Variants in CCDC85A observed in about 807,000 individuals in gnomAD.
CCDC85A encodes coiled-coil domain-containing protein 85A.
CCDC85A carries 38 observed loss-of-function variants against 50.2 expected under a neutral mutation model. That is an observed-to-expected ratio of 0.76 (90% confidence interval 0.58 to 0.99). The LOEUF (loss-of-function observed/expected upper bound fraction) is 0.99. Ranked by LOEUF, CCDC85A falls within the 50% of genes least tolerant of loss-of-function variation. The probability of loss-of-function intolerance (pLI) is 0.00; values close to 1 mark genes in which losing one functional copy is unlikely to be tolerated. For synonymous variants in CCDC85A, 366 were observed against 301.4 expected (o/e 1.21, Z -2.22); for missense variants, 820 against 742.0 (o/e 1.11, Z -1.22).
chr2:56,240,616 TATC>T (rs1669216570), intron 2 of CCDC85A, among the ~76,000 whole-genome samples: 1 of 152,154 alleles, frequency 6.6e-6, no homozygotes, highest in Non-Finnish European at 1.5e-5. Flanking sequence ...ATTCTGGACA[TATC>T]ATACAAATGG....
In CCDC85A at chr2:56,314,232, A is replaced by AACCTGTGG. The variant is rs1467549417; in HGVS notation, c.1241-28646_1241-28639dup. ...AAGGCATAGCTGCCGAGCAGAATTGAACCTGTGGTCAGAGCTGGGGTCAGA... is the reference window on the plus strand; with the variant it reads ...AAGGCATAGCTGCCGAGCAGAATTGAACCTGTGGACCTGTGGTCAGAGCTGGGGTCAGA... On this transcript the variant is annotated intron_variant, in intron 2 of 5. Coordinates refer to ENST00000407595, the MANE Select transcript of CCDC85A (RefSeq NM_001080433.2). Among the ~76,000 whole-genome samples, 6 of 151,580 alleles carry AACCTGTGG rather than the reference A, an allele frequency of 4.0e-5. No individual in the cohort carries two copies. In the East Asian group the frequency reaches 1.2e-3, roughly 30 times the overall value.
At chr2:56,318,308 A>C (rs895844751) in intron 2 of CCDC85A, among the ~76,000 whole-genome samples, 21 of 151,948 alleles carry the variant, frequency 1.4e-4, no homozygotes, top group Admixed American at 3.9e-4. Context: ...GCTGTTTTTC[A>C]GTTCCTTCAT....
chr2:56,318,644 T>C (rs1029643921), intron 2 of CCDC85A, among the ~76,000 whole-genome samples: 1 of 152,156 alleles, frequency 6.6e-6, no homozygotes, highest in Non-Finnish European at 1.5e-5. Context: ...TTTAAATGTT[T>C]ATTAACAGCT....
At chr2:56,185,066 A>G (rs1675949739) in intron 1 of CCDC85A, among the ~76,000 whole-genome samples, 166 bp downstream of exon 1, 1 of 151,706 alleles carries the variant, frequency 6.6e-6, no homozygotes. Flanking sequence ...AACTTTTCCA[A>G]ACTTCGGAGG....
Position 56,288,057 on chromosome 2 carries a change from A to C in CCDC85A, c.1241-54822A>C, listed in dbSNP as rs75520403. Reference sequence around the variant, plus strand: ...CTTTACAGAGCCTGGCGTCAGCTTCACCCCTGAACCCATATCTTGGGATGA... The same window carrying C: ...CTTTACAGAGCCTGGCGTCAGCTTCCCCCCTGAACCCATATCTTGGGATGA... On this transcript the variant is annotated intron_variant, in intron 2 of 5. Coordinates refer to ENST00000407595, the MANE Select transcript of CCDC85A (RefSeq NM_001080433.2). Among the ~76,000 whole-genome samples the C allele has an allele frequency of 1.2e-4, 18 of 152,076 alleles. 1 individual carries two copies. In the East Asian group the frequency reaches 3.5e-3, roughly 30 times the overall value.
At chr2:56,349,835 C>G (rs1380020161) in intron 3 of CCDC85A, among the ~76,000 whole-genome samples, 1 of 151,838 alleles carries the variant, frequency 6.6e-6, no homozygotes, top group African/African-American at 2.4e-5. Context: ...AAGGTACATT[C>G]AAAACTTTTT....
At chr2:56,261,625 C>G (rs1246956956) in intron 2 of CCDC85A, among the ~76,000 whole-genome samples, 1 of 152,180 alleles carries the variant, frequency 6.6e-6, no homozygotes. Flanking sequence ...ATGTCATGGT[C>G]CCTGTCCTCA....
rs1310358120 is a variant in CCDC85A, at chr2:56,361,044, G to C, written c.1318-11300G>C. ...CAAGGCGGGCAGATCACAAGGTCAG[G>C]AGATCGAGACCATCCTGGCTAACAT... On this transcript the variant is annotated intron_variant, in intron 3 of 5. Transcript: ENST00000407595. Among the ~76,000 whole-genome samples the C allele has an allele frequency of 3.3e-5, 5 of 152,152 alleles. No homozygotes were observed. The East Asian group carries it at 9.7e-4, about 29-fold the overall frequency.
intron 2 of CCDC85A, among the ~76,000 whole-genome samples, chr2:56,211,517 C>G (rs1201627731): frequency 1.3e-5 from 2 of 151,738 alleles, no homozygotes; most frequent in East Asian, 3.9e-4. Context: ...TTTAGTAGTG[C>G]TATACTACTA....
At chr2:56,194,634 G>A (rs1446423780) in intron 2 of CCDC85A, among the ~76,000 whole-genome samples, 2 of 152,118 alleles carry the variant, frequency 1.3e-5, no homozygotes, top group Non-Finnish European at 2.9e-5. Flanking sequence ...TTTTCTCATA[G>A]TGCTGAAAAT....
At chr2:56,252,568 G>C (rs1669810735) in intron 2 of CCDC85A, among the ~76,000 whole-genome samples, 1 of 152,060 alleles carries the variant, frequency 6.6e-6, no homozygotes, top group Non-Finnish European at 1.5e-5. Flanking sequence ...TATACTTTAA[G>C]TTCTGGGATA....
At chr2:56,256,317 A>G (rs562296408) in intron 2 of CCDC85A, among the ~76,000 whole-genome samples, 1 of 152,330 alleles carries the variant, frequency 6.6e-6, no homozygotes, top group Non-Finnish European at 1.5e-5. Context: ...AGCAGAGTCA[A>G]GGCACCTTTT....
At chr2:56,199,813 C>T (rs1197365558) in intron 2 of CCDC85A, among the ~76,000 whole-genome samples, 1 of 152,208 alleles carries the variant, frequency 6.6e-6, no homozygotes, top group Non-Finnish European at 1.5e-5. Flanking sequence ...GCATGAGCTT[C>T]AGTGCATAGT....
intron 2 of CCDC85A, among the ~76,000 whole-genome samples, chr2:56,286,672 C>G (rs1303718473): frequency 6.6e-6 from 1 of 152,106 alleles, no homozygotes; most frequent in Non-Finnish European, 1.5e-5. Flanking sequence ...AAAATCCCAT[C>G]TACTCATTTT....
At chr2:56,341,027 G>A (rs757474426) in intron 2 of CCDC85A, among the ~76,000 whole-genome samples, 2 of 152,208 alleles carry the variant, frequency 1.3e-5, no homozygotes, top group Middle Eastern at 3.4e-3. Flanking sequence ...GTACTTCTGG[G>A]GTTTCATGTC....
intron 2 of CCDC85A, among the ~76,000 whole-genome samples, chr2:56,277,400 C>G (rs1187362669): frequency 1.3e-5 from 2 of 151,002 alleles, no homozygotes; most frequent in African/African-American, 4.9e-5. Flanking sequence ...TAAGTTAAGC[C>G]CCTTTCCACA....
chr2:56,306,186 A>G (rs139439806), intron 2 of CCDC85A, among the ~76,000 whole-genome samples: 13 of 152,014 alleles, frequency 8.6e-5, no homozygotes, highest in African/African-American at 1.4e-4. Context: ...CTGGAGTGCA[A>G]TGGTGCAATC....
intron 3 of CCDC85A, among the ~76,000 whole-genome samples, chr2:56,353,229 G>C (rs11677608): frequency 0.14 from 21,063 of 152,172 alleles, 1,587 homozygotes; most frequent in East Asian, 0.27. Context: ...TATACAGATA[G>C]TGTGCTCACA....
intron 2 of CCDC85A, among the ~76,000 whole-genome samples, chr2:56,322,801 C>A (rs1186690447): frequency 6.6e-6 from 1 of 152,086 alleles, no homozygotes; most frequent in Admixed American, 6.6e-5. Flanking sequence ...TGGGCATATA[C>A]CCAAAGGATT....
Sources: allele counts gnomAD v4.1 joint callset (sites outside exome capture counted in the v4.1 genomes callset), GRCh38; gene constraint gnomAD v4.1.1; transcripts MANE v1.5; gene names NCBI Gene and HGNC (gene_info 2026-07-23, HGNC 2026-07-21).